The following COLGALT2 variants were observed in gnomAD, a reference collection of about 807,000 sequenced individuals.
COLGALT2 encodes the protein collagen beta(1-O)galactosyltransferase 2.
COLGALT2 carries 49 observed loss-of-function variants against 73.4 expected under a neutral mutation model. The ratio of observed to expected loss-of-function variants is 0.67; its 90% CI spans 0.53 to 0.85. COLGALT2 has a LOEUF of 0.85. Among genes scored for constraint, COLGALT2 ranks in the 40% least tolerant of loss-of-function variants. COLGALT2 has a pLI of 0.00. For synonymous variants in COLGALT2, 295 were observed against 307.6 expected (o/e 0.96, Z 0.43); for missense variants, 722 against 790.2 (o/e 0.91, Z 1.03).
At chr1:184,014,243 G>A (rs1648926442) in intron 1 of COLGALT2, among the ~76,000 whole-genome samples, 1 of 152,180 alleles carries the variant, frequency 6.6e-6, no homozygotes, top group African/African-American at 2.4e-5. Context: ...TAAGAAACAT[G>A]TATTGAGAAA....
At chr1:183,948,793 T>A (rs896858423) in intron 8 of COLGALT2, among the ~76,000 whole-genome samples, 1 of 152,168 alleles carries the variant, frequency 6.6e-6, no homozygotes, top group Non-Finnish European at 1.5e-5. Flanking sequence ...TCTACTTGCA[T>A]GTGACATGGT....
chr1:183,988,685 G>A (rs953987122), intron 1 of COLGALT2, among the ~76,000 whole-genome samples: 10 of 151,970 alleles, frequency 6.6e-5, no homozygotes, highest in Non-Finnish European at 8.8e-5. Flanking sequence ...TCTTTTTATG[G>A]CTAAATAATG....
In COLGALT2 at chr1:184,009,726, A is replaced by C. The variant is rs138933808; in HGVS notation, c.263+27369T>G. ...CCTGGTAGTAATGGTCCAAGAAGTT[A>C]ATGGAGACAGAGAGAGTTAAGACAA... is the stretch of plus-strand genomic sequence containing the variant. On this transcript the variant is annotated intron_variant, in intron 1 of 11. Transcript: ENST00000361927. 8.5e-4 allele frequency among the ~76,000 whole-genome samples: 130 copies of C among 152,348 alleles called. 1 individual carries two copies. In the East Asian group the frequency reaches 0.023, roughly 27 times the overall value.
intron 1 of COLGALT2, among the ~76,000 whole-genome samples, chr1:184,033,006 C>T (rs957482133): frequency 6.6e-6 from 1 of 152,156 alleles, no homozygotes; most frequent in Admixed American, 6.5e-5. Flanking sequence ...ATCCATAAAG[C>T]GGTTCCCAAT....
intron 4 of COLGALT2, among the ~76,000 whole-genome samples, chr1:183,972,722 G>C (rs563263404): frequency 1.6e-4 from 24 of 150,360 alleles, no homozygotes; most frequent in Non-Finnish European, 2.8e-4. Flanking sequence ...TTTTTTGAGA[G>C]GGAGTCTCGC....
chr1:183,940,059 T>C (rs1042836941), intron 11 of COLGALT2, among the ~76,000 whole-genome samples: 2 of 152,208 alleles, frequency 1.3e-5, no homozygotes, highest in Admixed American at 6.5e-5. Context: ...ATGGACATCA[T>C]GCTCAGGTAT....
chr1:184,015,476 ACTCT>A (rs1648969016), intron 1 of COLGALT2, among the ~76,000 whole-genome samples: 1 of 151,900 alleles, frequency 6.6e-6, no homozygotes, highest in Non-Finnish European at 1.5e-5. Context: ...TATTTTACTC[ACTCT>A]GAGAGTCCAA....
intron 1 of COLGALT2, among the ~76,000 whole-genome samples, chr1:184,025,563 C>A (rs1404907943): frequency 1.3e-5 from 2 of 152,156 alleles, no homozygotes; most frequent in African/African-American, 4.8e-5. Context: ...CATCTGTGTG[C>A]CAAAGGAAGG....
intron 9 of COLGALT2, 99 bp from the exon 10 acceptor site, chr1:183,944,422 G>GA (rs1175388343): frequency 2.2e-6 from 3 of 1,337,844 alleles, no homozygotes; most frequent in Admixed American, 2.4e-5. Flanking sequence ...TAGTAGCACA[G>GA]ATTCATAACT....
In COLGALT2 at chr1:183,937,341, A is replaced by C; in HGVS notation, c.*1420T>G. On this transcript the variant is annotated 3_prime_UTR_variant, in exon 12 of 12. Coordinates refer to ENST00000361927, the MANE Select transcript of COLGALT2 (RefSeq NM_015101.4). Reference sequence around the variant, plus strand: ...GGCATGAGAACATAAACTTGAGGGAAACCACCATGATCTATACTAGGATGA... The same window carrying C: ...GGCATGAGAACATAAACTTGAGGGACACCACCATGATCTATACTAGGATGA... 1 of 1,026,706 alleles carries C rather than the reference A, an allele frequency of 9.7e-7. No individual in the cohort carries two copies. Among genetic ancestry groups the C allele is most frequent in the Non-Finnish European group, 1.2e-6 (1 of 857,654 alleles). 63.6% of individuals were successfully genotyped at this position (1,026,706 alleles called of 1,614,324 possible).
Position 183,936,358 on chromosome 1 carries a change from C to T in COLGALT2, c.*2403G>A. 1 of 985,846 alleles carries T rather than the reference C, an allele frequency of 1.0e-6. No individual in the cohort carries two copies. Among genetic ancestry groups the T allele is most frequent in the Non-Finnish European group, 1.2e-6 (1 of 829,976 alleles). 61.1% of individuals were successfully genotyped at this position (985,846 alleles called of 1,614,324 possible). Reference sequence around the variant, plus strand: ...GCTCACAGTGTTCACCAGAAAAGAACACTGCTTGGGATTCTAGACCTGAGC... The same window carrying T: ...GCTCACAGTGTTCACCAGAAAAGAATACTGCTTGGGATTCTAGACCTGAGC... On this transcript the variant is annotated 3_prime_UTR_variant, in exon 12 of 12. Transcript: ENST00000361927.
intron 8 of COLGALT2, chr1:183,946,548 C>T (rs1374784773): frequency 1.3e-5 from 2 of 152,082 alleles, no homozygotes; most frequent in Non-Finnish European, 2.9e-5. Context: ...TTAATACAAC[C>T]ATGTGGTATC....
intron 1 of COLGALT2, among the ~76,000 whole-genome samples, chr1:184,034,799 A>T (rs1408104215): frequency 6.6e-6 from 1 of 152,246 alleles, no homozygotes; most frequent in African/African-American, 2.4e-5. Context: ...TAAGTCAATC[A>T]CTTTAAACAC....
intron 8 of COLGALT2, 123 bp downstream of exon 8, chr1:183,950,884 G>A: frequency 1.4e-6 from 1 of 695,256 alleles, no homozygotes; most frequent in South Asian, 2.1e-5. Flanking sequence ...TGGCCGTTTT[G>A]AAAATAAGAC....
chr1:183,977,812 A>AAGAGAGAGAGAGAGAGAGAGAG (rs59481089), intron 2 of COLGALT2, among the ~76,000 whole-genome samples: 592 of 52,366 alleles, frequency 0.011, 5 homozygotes, highest in East Asian at 0.041. Flanking sequence ...GAAAGAGAGA[A>AAGAGAGAGAGAGAGAGAGAGAG]AGAGAGAGAG....
At chr1:184,021,560 C>T (rs1233225068) in intron 1 of COLGALT2, among the ~76,000 whole-genome samples, 1 of 152,180 alleles carries the variant, frequency 6.6e-6, no homozygotes. Flanking sequence ...AAGGCCGTCG[C>T]CAGATGCCAG....
At chr1:183,941,358 T>C (rs1274481631) in intron 10 of COLGALT2, among the ~76,000 whole-genome samples, 2 of 152,242 alleles carry the variant, frequency 1.3e-5, no homozygotes, top group Non-Finnish European at 2.9e-5. Context: ...GGCATTCTCC[T>C]GCCTCACACT....
Position 183,938,768 on chromosome 1 carries a change from T to G in COLGALT2, c.1874A>C (p.Glu625Ala). Residue 625 changes from glutamate to alanine, a missense_variant, in exon 12 of 12, where the codon GAG becomes GCG. Glu to Ala is a moderately radical substitution (Grantham distance 107, BLOSUM62 -1). Coordinates refer to ENST00000361927, the MANE Select transcript of COLGALT2 (RefSeq NM_015101.4). ...CACACTCCCAGGGAGCCTTCATAGC[T>G]CATCCCTTGAAGGCACAGTGTCCAG... Reference protein sequence around the residue: ...TSLDTVPSRDEL With the variant: ...TSLDTVPSRDAL 1 of 1,614,082 alleles carries G rather than the reference T, an allele frequency of 6.2e-7. No homozygotes were observed. The highest frequency in any genetic ancestry group is 8.5e-7 in the Non-Finnish European group (1 of 1,179,990).
At chr1:183,950,946 G>T in intron 8 of COLGALT2, 61 bp downstream of exon 8, 1 of 1,259,400 alleles carries the variant, frequency 7.9e-7, no homozygotes, top group Non-Finnish European at 1.2e-6. Flanking sequence ...CTAACTCTCT[G>T]TCAGAGAAGA....
Sources: allele counts gnomAD v4.1 joint callset (sites outside exome capture counted in the v4.1 genomes callset), GRCh38; gene constraint gnomAD v4.1.1; transcripts MANE v1.5; gene names NCBI Gene and HGNC (gene_info 2026-07-23, HGNC 2026-07-21).